HTT: variants seen among roughly 807,000 people sequenced by gnomAD.
HTT encodes huntingtin.
Under a neutral mutation model 362.3 loss-of-function variants are expected in HTT, and 104 were observed. The ratio of observed to expected loss-of-function variants is 0.29; its 90% CI spans 0.24 to 0.34. The LOEUF (loss-of-function observed/expected upper bound fraction) is 0.34. Ranked by LOEUF, HTT falls within the 10% of genes least tolerant of loss-of-function variation. The pLI is 1.00. For synonymous variants in HTT, 1,577 were observed against 1,548.7 expected (o/e 1.02, Z -0.43); for missense variants, 3,301 against 3,928.6 (o/e 0.84, Z 4.27).
chr4:3,160,422 G>T (rs1717381536), intron 29 of HTT, 30 bp downstream of exon 29: 1 of 1,399,964 alleles, frequency 7.1e-7, no homozygotes, highest in East Asian at 2.5e-5. Context: ...TCCTTGGGTT[G>T]TGGCTGGCAC....
intron 41 of HTT, 127 bp from the exon 42 acceptor site, chr4:3,203,880 G>T: frequency 1.2e-6 from 1 of 845,740 alleles, no homozygotes; most frequent in African/African-American, 1.7e-5. Flanking sequence ...ACAACATTCT[G>T]ATATGGCAAT....
At position 3,170,017 on chromosome 4, in the gene HTT, A is replaced by T. The variant is rs139346941; in HGVS notation, c.3865-2303A>T. Among the ~76,000 whole-genome samples, 137 of 152,236 alleles carry T rather than the reference A, an allele frequency of 9.0e-4. 1 individual carries two copies. In the East Asian group the frequency reaches 0.012, roughly 13 times the overall value. On this transcript the variant is annotated intron_variant, in intron 29 of 66. Transcript: ENST00000355072. ...AATATCCTTCTCTGCTAGTTCTAAG[A>T]TCTTCTAATAACTTCCCAGTTCTTG...
intron 53 of HTT, among the ~76,000 whole-genome samples, chr4:3,221,289 C>T (rs991261246): frequency 5.3e-5 from 8 of 152,196 alleles, no homozygotes; most frequent in Non-Finnish European, 8.8e-5. Context: ...AGGTACCTCA[C>T]GCCAGCTGCC....
At chr4:3,095,663 G>A (rs963928833) in intron 2 of HTT, among the ~76,000 whole-genome samples, 1 of 152,238 alleles carries the variant, frequency 6.6e-6, no homozygotes, top group African/African-American at 2.4e-5. Flanking sequence ...TGTTACAGCA[G>A]CTGCAGGAAA....
At chr4:3,102,515 T>G (rs1714206925) in intron 3 of HTT, among the ~76,000 whole-genome samples, 1 of 152,332 alleles carries the variant, frequency 6.6e-6, no homozygotes, top group Admixed American at 6.5e-5. Context: ...AACAACAGGA[T>G]TAGGATTTAA....
At chr4:3,131,439 A>G in intron 15 of HTT, 42 bp downstream of exon 15, 1 of 1,517,954 alleles carries the variant, frequency 6.6e-7, no homozygotes, top group Non-Finnish European at 9.2e-7. Context: ...GGAAATAACT[A>G]GGTTTCAGAG....
intron 1 of HTT, among the ~76,000 whole-genome samples, chr4:3,081,749 G>T (rs1240086620): frequency 6.6e-6 from 1 of 151,262 alleles, no homozygotes; most frequent in Non-Finnish European, 1.5e-5. Context: ...TAGAGACGGG[G>T]TTTCTCCATG....
chr4:3,122,195 T>C (rs1456255781), intron 9 of HTT, among the ~76,000 whole-genome samples: 1 of 152,210 alleles, frequency 6.6e-6, no homozygotes, highest in Non-Finnish European at 1.5e-5. Flanking sequence ...TACCCCACCA[T>C]GCAGTGCTGC....
At position 3,146,924 on chromosome 4, in the gene HTT, A is replaced by C; in HGVS notation, c.3271A>C (p.Ile1091Leu). 1 of 1,614,058 alleles carries C rather than the reference A, an allele frequency of 6.2e-7. No homozygotes were observed. Among genetic ancestry groups the C allele is most frequent in the Non-Finnish European group, 8.5e-7 (1 of 1,180,006 alleles). The change falls in exon 25 of 67, where the codon ATT (isoleucine) becomes CTT (leucine). Residue 1091 changes from isoleucine (I) to leucine (L), a missense_variant. Physicochemically the swap from Ile to Leu is conservative, Grantham distance 5. This residue lies in a region of HTT where 2,316 missense variants were observed against 2,658.5 expected (regional missense o/e 0.87). Transcript: ENST00000355072. Reference sequence around the variant, plus strand: ...TCTCTCAGCCCATCAAGATGCTTTGATTTTGGCCGGAAACTTGCTTGCAGG... The same window carrying C: ...TCTCTCAGCCCATCAAGATGCTTTGCTTTTGGCCGGAAACTTGCTTGCAGG... ...LDLSAHQDAL[I>L]LAGNLLAASA...
chr4:3,093,737 G>A (rs1393855725), intron 2 of HTT, among the ~76,000 whole-genome samples: 1 of 151,968 alleles, frequency 6.6e-6, no homozygotes. Flanking sequence ...TGAAGGTGCT[G>A]GCCTTGAAAA....
chr4:3,220,768 G>C lies in HTT; in HGVS notation c.7369+460G>C, dbSNP rs1720634235. Among the ~76,000 whole-genome samples, 2 of 152,150 alleles carry C rather than the reference G, an allele frequency of 1.3e-5. 1 individual carries two copies. The highest frequency in any genetic ancestry group is 1.3e-4 in the Admixed American group (2 of 15,284). ...TGGCACTCGCCTTCCCCAGAGCCTA[G>C]AGGCAGCATGGGGAGAAAGCAGGCT... On this transcript the variant is annotated intron_variant, in intron 53 of 66. Transcript: ENST00000355072.
rs1278858697 is a variant in HTT, at chr4:3,105,423, C to G, written c.595C>G (p.Pro199Ala). Reference sequence around the variant, plus strand: ...TGCTGAGCTGGCTCACCTGGTTCGGCCTCAGAAATGCAGGTAAGTTGTACA... The same window carrying G: ...TGCTGAGCTGGCTCACCTGGTTCGGGCTCAGAAATGCAGGTAAGTTGTACA... ...RFAELAHLVRPQKCRPYLVNL... is the reference protein window; with the variant it reads ...RFAELAHLVRAQKCRPYLVNL... Residue 199 changes from proline (P) to alanine (A), a missense_variant, in exon 5 of 67, where the codon CCT becomes GCT. Coordinates refer to ENST00000355072, the MANE Select transcript of HTT (RefSeq NM_001388492.1). 2 of 1,612,802 alleles carry G rather than the reference C, an allele frequency of 1.2e-6. No individual in the cohort carries two copies. The highest frequency in any genetic ancestry group is 2.7e-5 in the African/African-American group (2 of 74,856).
intron 49 of HTT, among the ~76,000 whole-genome samples, chr4:3,213,635 T>G (rs1720263554): frequency 6.6e-6 from 1 of 152,206 alleles, no homozygotes; most frequent in Non-Finnish European, 1.5e-5. Flanking sequence ...CAAGCCCTGG[T>G]GCTGTGGGAG....
At chr4:3,095,943 A>G (rs538262600) in intron 2 of HTT, among the ~76,000 whole-genome samples, 1 of 152,368 alleles carries the variant, frequency 6.6e-6, no homozygotes, top group East Asian at 1.9e-4. Context: ...TTCAGATTGA[A>G]TGGAAAAGTA....
Position 3,235,656 on chromosome 4 carries a change from C to G in HTT, c.8663C>G (p.Ser2888Cys), listed in dbSNP as rs374836871. The part of the protein sequence containing the change: ...ALRGLERLLL[S>C]EQLSRLDAES... ...AGAGGCCTGGAGCGCCTCCTGCTCT[C>G]TGAGCAGCTCTCCCGCCTGGATGCA... is the stretch of plus-strand genomic sequence containing the variant. The change falls in exon 63 of 67, where the codon TCT (serine) becomes TGT (cysteine). Residue 2888 changes from serine (S) to cysteine (C), a missense_variant. Transcript: ENST00000355072. The G allele has an allele frequency of 6.2e-6, 10 of 1,613,608 alleles. No homozygotes were observed. The African/African-American group carries it at 1.3e-4, about 22-fold the overall frequency.
intron 36 of HTT, among the ~76,000 whole-genome samples, chr4:3,181,260 T>C (rs903810079): frequency 6.6e-6 from 1 of 152,156 alleles, no homozygotes; most frequent in East Asian, 1.9e-4. Flanking sequence ...TCGTTCAAGA[T>C]AGTGAGGCCC....
At chr4:3,229,626 GCACA>G (rs564684448) in intron 59 of HTT, among the ~76,000 whole-genome samples, 5 of 146,364 alleles carry the variant, frequency 3.4e-5, no homozygotes, top group Non-Finnish European at 6.0e-5. Context: ...TGCACACCAC[GCACA>G]CACACCACAT....
chr4:3,113,893 T>TGCCGA (rs1714890209), intron 6 of HTT, among the ~76,000 whole-genome samples: 1 of 151,586 alleles, frequency 6.6e-6, no homozygotes, highest in Non-Finnish European at 1.5e-5. Flanking sequence ...TGTCCAGAGG[T>TGCCGA]GCCGAGACCA....
At chr4:3,214,412 T>G (rs1476112570) in intron 50 of HTT, among the ~76,000 whole-genome samples, 1 of 152,240 alleles carries the variant, frequency 6.6e-6, no homozygotes, top group African/African-American at 2.4e-5. Flanking sequence ...TATGTCTCTG[T>G]GATCTTTGGT....
Sources: allele counts gnomAD v4.1 joint callset (sites outside exome capture counted in the v4.1 genomes callset), GRCh38; gene constraint gnomAD v4.1.1; regional missense constraint gnomAD v4.1.1; transcripts MANE v1.5; gene names NCBI Gene and HGNC (gene_info 2026-07-23, HGNC 2026-07-21).